Variants in IRAK3 observed in about 807,000 individuals in gnomAD.
IRAK3 encodes interleukin-1 receptor-associated kinase 3.
A neutral mutation model predicts 56.6 loss-of-function variants in IRAK3; 57 were observed. That is an observed-to-expected ratio of 1.01 (90% CI 0.81 to 1.26). The LOEUF (loss-of-function observed/expected upper bound fraction) is 1.26, where lower values mean the gene tolerates loss of function less well. Ranked by LOEUF, IRAK3 falls within the 50% of genes most tolerant of loss-of-function variation. IRAK3 has a pLI of 0.00. For synonymous variants in IRAK3, 258 were observed against 255.7 expected (o/e 1.01, Z -0.09); for missense variants, 703 against 719.0 (o/e 0.98, Z 0.25).
intron 2 of IRAK3, among the ~76,000 whole-genome samples, chr12:66,205,183 C>T (rs1365679989): frequency 6.6e-6 from 1 of 152,150 alleles, no homozygotes; most frequent in Non-Finnish European, 1.5e-5. Flanking sequence ...CTTCAGTGTT[C>T]TGGAATAAAT....
chr12:66,190,793 G>T (rs1026004960), intron 1 of IRAK3, among the ~76,000 whole-genome samples: 9 of 152,162 alleles, frequency 5.9e-5, no homozygotes, highest in African/African-American at 1.7e-4. Context: ...TCACCAGCTG[G>T]AAATGGAAGA....
intron 8 of IRAK3, among the ~76,000 whole-genome samples, chr12:66,236,443 T>G (rs1050026249): frequency 3.3e-5 from 5 of 150,740 alleles, no homozygotes; most frequent in Admixed American, 2.6e-4. Context: ...TGGCTTGTGC[T>G]TGTAGTCCCA....
chr12:66,221,614 G>A (rs1414690567), intron 6 of IRAK3, among the ~76,000 whole-genome samples: 1 of 152,164 alleles, frequency 6.6e-6, no homozygotes, highest in East Asian at 1.9e-4. Flanking sequence ...TGTTGAGATG[G>A]TTTTGTGATT....
chr12:66,189,624 CCTTCT>C lies in IRAK3; in HGVS notation c.133+196_133+200del, dbSNP rs1373443233. Among the ~76,000 whole-genome samples the C allele has an allele frequency of 2.0e-5, 3 of 152,242 alleles. No individual in the cohort carries two copies. The East Asian group carries it at 5.8e-4, about 29-fold the overall frequency. On this transcript the variant is annotated intron_variant, in intron 1 of 11. Coordinates refer to ENST00000261233, the MANE Select transcript of IRAK3 (RefSeq NM_007199.3). ...CCCTGGGACCCAGATGCCTTCCCTCCCTTCTCTTTCAAAGAATTTTGGGTATCGCT... is the reference window on the plus strand; with the variant it reads ...CCCTGGGACCCAGATGCCTTCCCTCCCTTTCAAAGAATTTTGGGTATCGCT...
chr12:66,210,305 T>A, intron 4 of IRAK3, 104 bp downstream of exon 4: 1 of 697,780 alleles, frequency 1.4e-6, no homozygotes, highest in East Asian at 2.7e-5. Context: ...ATCATTTATA[T>A]TCAAATTCGG....
intron 1 of IRAK3, among the ~76,000 whole-genome samples, chr12:66,192,085 A>G (rs1317458026): frequency 6.6e-6 from 1 of 152,234 alleles, no homozygotes; most frequent in African/African-American, 2.4e-5. Context: ...GTCTGGGTTG[A>G]GGGTCCAGCT....
intron 1 of IRAK3, among the ~76,000 whole-genome samples, chr12:66,202,023 G>C (rs2052512758): frequency 6.6e-6 from 1 of 152,132 alleles, no homozygotes; most frequent in Non-Finnish European, 1.5e-5. Context: ...CAGGGGTATG[G>C]GTTGGCAATT....
intron 1 of IRAK3, among the ~76,000 whole-genome samples, chr12:66,200,960 G>A (rs963824725): frequency 1.3e-5 from 2 of 151,960 alleles, no homozygotes; most frequent in African/African-American, 2.4e-5. Context: ...ACAAGTGCAC[G>A]CCATCACACC....
intron 2 of IRAK3, 86 bp downstream of exon 2, chr12:66,203,979 A>G (rs971280842): frequency 8.6e-7 from 1 of 1,168,374 alleles, no homozygotes; most frequent in East Asian, 2.4e-5. Context: ...TATCCAAGAC[A>G]TTGACTCATG....
At chr12:66,247,024 C>T (rs528125596) in intron 11 of IRAK3, among the ~76,000 whole-genome samples, 102 of 152,284 alleles carry the variant, frequency 6.7e-4, no homozygotes, top group South Asian at 1.9e-3. Flanking sequence ...AATCCCAGCA[C>T]TTTGAGAGTC....
intron 3 of IRAK3, 63 bp downstream of exon 3, chr12:66,209,583 G>GCATAATGAAATTATTGAGCAT: frequency 9.6e-7 from 1 of 1,043,066 alleles, no homozygotes; most frequent in Non-Finnish European, 1.5e-6. Context: ...TGAGCATAAG[G>GCATAATGAAATTATTGAGCAT]AATGAAATTA....
At position 66,248,000 on chromosome 12, in the gene IRAK3, AG is replaced by A. The variant is rs2053054387; in HGVS notation, c.1621del (p.Glu541LysfsTer8). On this transcript the variant is annotated frameshift_variant, in exon 12 of 12. Coordinates refer to ENST00000261233, the MANE Select transcript of IRAK3 (RefSeq NM_007199.3). LOFTEE classifies it low-confidence loss of function (END_TRUNC). ...GCAACATGCCCAGTTCTTCTTGTGAAGAAAGTTGGTTCCCAAAGTATATAGT... is the reference window on the plus strand; with the variant it reads ...GCAACATGCCCAGTTCTTCTTGTGAAAAAGTTGGTTCCCAAAGTATATAGT... The part of the protein sequence containing the change: ...ACNMPSSSCE[E>X]SWFPKYIVPS... 6.2e-7 allele frequency: 1 copy of A among 1,602,336 alleles called. No individual in the cohort carries two copies. The highest frequency in any genetic ancestry group is 8.5e-7 in the Non-Finnish European group (1 of 1,175,186).
chr12:66,216,155 A>T (rs943392430), intron 5 of IRAK3, among the ~76,000 whole-genome samples: 3 of 152,106 alleles, frequency 2.0e-5, no homozygotes, highest in Non-Finnish European at 2.9e-5. Flanking sequence ...AAACAAAAAA[A>T]CCGACTCCTT....
At chr12:66,228,938 G>A (rs755764924) in intron 8 of IRAK3, among the ~76,000 whole-genome samples, 6 of 152,180 alleles carry the variant, frequency 3.9e-5, no homozygotes, top group Admixed American at 1.3e-4. Context: ...ATGCATTTTC[G>A]ACTTACCATG....
intron 5 of IRAK3, among the ~76,000 whole-genome samples, chr12:66,213,672 G>A (rs975462703): frequency 2.0e-5 from 3 of 151,716 alleles, no homozygotes; most frequent in Non-Finnish European, 4.4e-5. Flanking sequence ...CCTCACTGGT[G>A]TGAGATGTTA....
intron 1 of IRAK3, among the ~76,000 whole-genome samples, chr12:66,191,500 C>T (rs902489346): frequency 6.6e-6 from 1 of 152,208 alleles, no homozygotes; most frequent in Non-Finnish European, 1.5e-5. Context: ...TATTCATTCT[C>T]TCACAGGGAA....
intron 6 of IRAK3, among the ~76,000 whole-genome samples, chr12:66,225,025 C>A (rs2052771297): frequency 6.6e-6 from 1 of 152,138 alleles, no homozygotes; most frequent in African/African-American, 2.4e-5. Flanking sequence ...ATGTTCCATA[C>A]CTTGGTAACC....
At chr12:66,236,485 T>C (rs1229419915) in intron 8 of IRAK3, among the ~76,000 whole-genome samples, 1 of 151,736 alleles carries the variant, frequency 6.6e-6, no homozygotes, top group Non-Finnish European at 1.5e-5. Flanking sequence ...GGAAAATTGC[T>C]TGAACCCAGG....
intron 8 of IRAK3, among the ~76,000 whole-genome samples, chr12:66,237,253 T>TC (rs1194899493): frequency 6.6e-6 from 1 of 152,018 alleles, no homozygotes; most frequent in African/African-American, 2.4e-5. Flanking sequence ...GCTGTAATTA[T>TC]CCCCCCACAA....
Sources: allele counts gnomAD v4.1 joint callset (sites outside exome capture counted in the v4.1 genomes callset), GRCh38; gene constraint gnomAD v4.1.1; transcripts MANE v1.5; gene names NCBI Gene and HGNC (gene_info 2026-07-23, HGNC 2026-07-21).